The following IL1RAPL2 variants were observed in gnomAD, a reference collection of about 807,000 sequenced individuals.
IL1RAPL2 encodes the protein X-linked interleukin-1 receptor accessory protein-like 2.
A neutral mutation model predicts 44.1 loss-of-function variants in IL1RAPL2; 3 were observed. The ratio of observed to expected loss-of-function variants is 0.07; its 90% CI spans 0.03 to 0.18. The LOEUF (loss-of-function observed/expected upper bound fraction) is 0.18. Among genes scored for constraint, IL1RAPL2 ranks in the 10% least tolerant of loss-of-function variants. The probability of loss-of-function intolerance (pLI) is 1.00; values close to 1 mark genes in which losing one functional copy is unlikely to be tolerated. For synonymous variants in IL1RAPL2, 181 were observed against 178.8 expected, an observed-to-expected ratio of 1.01 and a Z score of -0.10; for missense variants, 391 against 496.4, an observed-to-expected ratio of 0.79 and a Z score of 2.02.
intron 2 of IL1RAPL2, among the ~76,000 whole-genome samples, chrX:104,677,840 G>T (rs1001472365): frequency 3.6e-5 from 4 of 112,063 alleles, no homozygotes; most frequent in African/African-American, 1.3e-4. Context: ...CGGTATTCGG[G>T]TGGGAGTGAC....
chrX:104,909,644 A>T (rs1924164054), intron 2 of IL1RAPL2, among the ~76,000 whole-genome samples: 1 of 111,645 alleles, frequency 9.0e-6, no homozygotes, highest in Admixed American at 9.5e-5. Flanking sequence ...GGTGCCTCCC[A>T]GTTAGGCTGC....
intron 4 of IL1RAPL2, among the ~76,000 whole-genome samples, chrX:105,257,620 G>A (rs140571487): frequency 4.5e-3 from 501 of 112,155 alleles, no homozygotes; most frequent in Non-Finnish European, 6.7e-3. Context: ...GGGTTCCCCC[G>A]TGGTGGGCGC....
At chrX:104,693,882 G>A (rs1467667260) in intron 2 of IL1RAPL2, among the ~76,000 whole-genome samples, 3 of 111,827 alleles carry the variant, frequency 2.7e-5, no homozygotes. Context: ...AGTGGCCAAA[G>A]CTTGGCTTCT....
At chrX:104,604,293 G>A (rs1928953714) in intron 1 of IL1RAPL2, among the ~76,000 whole-genome samples, 1 of 111,540 alleles carries the variant, frequency 9.0e-6, no homozygotes, top group African/African-American at 3.3e-5. Flanking sequence ...CCTTACAAGA[G>A]CTCCTGAAGG....
intron 7 of IL1RAPL2, among the ~76,000 whole-genome samples, chrX:105,730,925 A>G (rs1339158917): frequency 1.8e-5 from 2 of 111,191 alleles, no homozygotes; most frequent in East Asian, 5.7e-4. Context: ...CTTACATCAA[A>G]AAGTAGAAAG....
intron 5 of IL1RAPL2, among the ~76,000 whole-genome samples, chrX:105,382,606 C>A (rs1192236035): frequency 9.6e-6 from 1 of 104,159 alleles, no homozygotes; most frequent in Non-Finnish European, 1.9e-5. Context: ...TTGACCCAGC[C>A]ATCCCATTAC....
In IL1RAPL2 at chrX:105,489,668, TTCTTTC is replaced by T. The variant is rs1342660599; in HGVS notation, c.772+5289_772+5294del. Among the ~76,000 whole-genome samples, 173 of 110,171 alleles carry T rather than the reference TTCTTTC, an allele frequency of 1.6e-3. 2 individuals carry two copies. Among genetic ancestry groups the T allele is most frequent in the African/African-American group, 5.5e-3 (165 of 30,262 alleles). On this transcript the variant is annotated intron_variant, in intron 6 of 10. Transcript: ENST00000372582. ...TCTTTTCCTTCCTTCCTTTCTTTCT[TTCTTTC>T]TCTTTCTTTTTCTTTCTTTCTTTCT...
intron 2 of IL1RAPL2, among the ~76,000 whole-genome samples, chrX:104,736,748 C>A (rs766743125): frequency 1.8e-5 from 2 of 112,128 alleles, no homozygotes; most frequent in African/African-American, 6.5e-5. Flanking sequence ...TTGCCAAGAG[C>A]CTAAAGTTCC....
chrX:104,587,739 T>C (rs1306097685), intron 1 of IL1RAPL2, among the ~76,000 whole-genome samples: 1 of 112,050 alleles, frequency 8.9e-6, no homozygotes, highest in Admixed American at 9.5e-5. Flanking sequence ...ACATCCTCTA[T>C]CTCCTGAACA....
chrX:104,821,960 C>T (rs183221521), intron 2 of IL1RAPL2, among the ~76,000 whole-genome samples: 32 of 112,335 alleles, frequency 2.8e-4, no homozygotes, highest in Non-Finnish European at 3.0e-4. Context: ...GATGGTATCT[C>T]ATTGTGGCTT....
intron 2 of IL1RAPL2, among the ~76,000 whole-genome samples, chrX:105,030,940 C>T (rs2031480711): frequency 9.0e-6 from 1 of 111,009 alleles, no homozygotes; most frequent in Non-Finnish European, 1.9e-5. Flanking sequence ...TTGTAGTTCT[C>T]CTTGAAGAGG....
Position 104,907,268 on chromosome X carries a change from A to C in IL1RAPL2, c.82+248273A>C, listed in dbSNP as rs1262862922. Among the ~76,000 whole-genome samples the C allele has an allele frequency of 5.4e-5, 6 of 111,209 alleles. No homozygotes were observed. In the South Asian group the frequency reaches 1.9e-3, roughly 35 times the overall value. On this transcript the variant is annotated intron_variant, in intron 2 of 10. Transcript: ENST00000372582. ...CAAAAAACCAGCTCCTGGATTCATTAATTTTTTGAAGGGTTTTTTGTGTCT... is the reference window on the plus strand; with the variant it reads ...CAAAAAACCAGCTCCTGGATTCATTCATTTTTTGAAGGGTTTTTTGTGTCT...
At chrX:105,531,814 G>T (rs2036638631) in intron 6 of IL1RAPL2, among the ~76,000 whole-genome samples, 1 of 111,655 alleles carries the variant, frequency 9.0e-6, no homozygotes, top group African/African-American at 3.3e-5. Flanking sequence ...TGAAGACACT[G>T]GCTTTTCCCC....
intron 2 of IL1RAPL2, among the ~76,000 whole-genome samples, chrX:104,739,979 G>A (rs1296572191): frequency 9.0e-6 from 1 of 111,303 alleles, no homozygotes; most frequent in Admixed American, 9.6e-5. Context: ...GGGATGGTGA[G>A]GAACATTGTA....
rs143880390 is a variant in IL1RAPL2, at chrX:105,755,377, C to T, written c.1363+30C>T. The stretch of plus-strand genomic sequence containing the variant: ...GTACTTTCAAATTTTGTGTTTAAAA[C>T]GTTCTGTTTCTTTTAGGATGTTATG... On this transcript the variant is annotated intron_variant, in intron 10 of 10. Transcript: ENST00000372582. 3.2e-5 allele frequency: 34 copies of T among 1,078,694 alleles called. No homozygotes were observed. The African/African-American group carries it at 4.0e-4, about 13-fold the overall frequency. The allele number at this position is 1,078,694 out of a possible 1,213,427, so 88.9% of individuals were successfully genotyped here.
chrX:105,450,266 C>G (rs2036010339), intron 5 of IL1RAPL2, among the ~76,000 whole-genome samples: 1 of 111,232 alleles, frequency 9.0e-6, no homozygotes, highest in Non-Finnish European at 1.9e-5. Context: ...GTGGCATAGG[C>G]AAATCGAGAT....
At chrX:105,004,869 A>G (rs1016706555) in intron 2 of IL1RAPL2, among the ~76,000 whole-genome samples, 1 of 111,158 alleles carries the variant, frequency 9.0e-6, no homozygotes, top group African/African-American at 3.3e-5. Flanking sequence ...GATGTTATCT[A>G]AATTCAATTC....
Position 104,802,129 on chromosome X carries a change from G to A in IL1RAPL2, c.82+143134G>A, listed in dbSNP as rs751869203. ...GGAGGCTGAGGCAGGCGGATCACCTGAGGTCAGGAGTTCGAGACCAGCCTG... is the reference window on the plus strand; with the variant it reads ...GGAGGCTGAGGCAGGCGGATCACCTAAGGTCAGGAGTTCGAGACCAGCCTG... On this transcript the variant is annotated intron_variant, in intron 2 of 10. Transcript: ENST00000372582. Among the ~76,000 whole-genome samples, 117 of 110,764 alleles carry A rather than the reference G, an allele frequency of 1.1e-3. 1 individual carries two copies. The highest frequency in any genetic ancestry group is 3.5e-3 in the African/African-American group (108 of 30,492).
chrX:105,520,758 C>CT (rs2036548930), intron 6 of IL1RAPL2, among the ~76,000 whole-genome samples: 1 of 110,468 alleles, frequency 9.1e-6, no homozygotes, highest in Non-Finnish European at 1.9e-5. Context: ...AGGGATATGG[C>CT]TGTGATACGT....
Sources: gnomAD v4.1 joint callset for allele counts (sites outside exome capture counted in the v4.1 genomes callset) on GRCh38, gnomAD v4.1.1 for gene constraint, MANE v1.5 for transcripts, NCBI Gene and HGNC (gene_info 2026-07-23, HGNC 2026-07-21) for gene names.